FAM168B: variants seen among roughly 807,000 people sequenced by gnomAD.
FAM168B encodes family with sequence similarity 168 member B, also known as myelin-associated neurite-outgrowth inhibitor.
FAM168B carries 19 observed loss-of-function variants against 21.8 expected under a neutral mutation model. The ratio of observed to expected loss-of-function variants is 0.87; its 90% CI spans 0.61 to 1.28. FAM168B has a LOEUF of 1.28. Among genes scored for constraint, FAM168B ranks in the 50% most tolerant of loss-of-function variants. The pLI, the probability that FAM168B is intolerant of heterozygous loss-of-function variation, is 0.00. For missense variants in FAM168B, 233 were observed against 263.1 expected, an observed-to-expected ratio of 0.89 and a Z score of 0.79; for synonymous variants, 126 against 104.8, an observed-to-expected ratio of 1.20 and a Z score of -1.24.
At position 131,073,522 on chromosome 2, in the gene FAM168B, C is replaced by T. The variant is rs572039199; in HGVS notation, c.71-1584G>A. The stretch of plus-strand genomic sequence containing the variant: ...GAGAGGTGGGACATTTAATAGGTGA[C>T]GGCTTTATTATGAAAGTGGGTTCCT... On this transcript the variant is annotated intron_variant, in intron 2 of 6. Coordinates refer to ENST00000389915, the MANE Select transcript of FAM168B (RefSeq NM_001009993.4). Among the ~76,000 whole-genome samples, 93 of 152,254 alleles carry T rather than the reference C, an allele frequency of 6.1e-4. No homozygotes were observed. In the Middle Eastern group the frequency reaches 0.01, roughly 17 times the overall value.
At chr2:131,065,652 G>A (rs998126317) in intron 3 of FAM168B, among the ~76,000 whole-genome samples, 6 of 151,906 alleles carry the variant, frequency 3.9e-5, no homozygotes, top group African/African-American at 7.3e-5. Context: ...TAGCCGGCGT[G>A]GTGGAGAGCG....
At chr2:131,053,424 T>C (rs1691816365) in intron 5 of FAM168B, among the ~76,000 whole-genome samples, 1 of 152,148 alleles carries the variant, frequency 6.6e-6, no homozygotes, top group African/African-American at 2.4e-5. Context: ...TCCACTTAGA[T>C]GAAGTACCTG....
At chr2:131,083,892 ATTT>A (rs1304751815) in intron 1 of FAM168B, among the ~76,000 whole-genome samples, 1 of 150,924 alleles carries the variant, frequency 6.6e-6, no homozygotes, top group African/African-American at 2.4e-5. Context: ...TTATTTATTT[ATTT>A]ATTTATTTAT....
intron 1 of FAM168B, among the ~76,000 whole-genome samples, chr2:131,092,887 A>G (rs925507443): frequency 1.3e-5 from 2 of 152,162 alleles, no homozygotes; most frequent in African/African-American, 4.8e-5. Context: ...CTATTGTCAC[A>G]AAGCTCTGCC....
At chr2:131,064,299 A>G (rs1334728360) in intron 3 of FAM168B, among the ~76,000 whole-genome samples, 1 of 152,190 alleles carries the variant, frequency 6.6e-6, no homozygotes, top group African/African-American at 2.4e-5. Context: ...TGAGTAAAAA[A>G]AGACATTTAT....
rs1310759240 is a variant in FAM168B, at chr2:131,048,318, T to C, written c.*4147A>G. ...CTGGCCCAGCTGCCTTGCCCACTGG[T>C]CTGCACAGGGACTCATGGGCACAGC... On this transcript the variant is annotated 3_prime_UTR_variant, in exon 7 of 7. Transcript: ENST00000389915. 1 of 1,304,122 alleles carries C rather than the reference T, an allele frequency of 7.7e-7. No individual in the cohort carries two copies. The highest frequency in any genetic ancestry group is 1.5e-5 in the African/African-American group (1 of 65,964). 80.8% of individuals were successfully genotyped at this position (1,304,122 alleles called of 1,614,324 possible). A position where few individuals can be genotyped will look rare whatever the true frequency, so the allele number is the denominator to read the frequency against.
rs1027400342 is a variant in FAM168B at position 131,051,027 on chromosome 2, C to A, written c.*1438G>T. 7.1e-6 allele frequency: 7 copies of A among 985,304 alleles called. No homozygotes were observed. The African/African-American group carries it at 1.2e-4, about 17-fold the overall frequency. The allele number at this position is 985,304 out of a possible 1,614,324, so 61.0% of individuals were successfully genotyped here. A position where few individuals can be genotyped will look rare whatever the true frequency, so the allele number is the denominator to read the frequency against. On this transcript the variant is annotated 3_prime_UTR_variant, in exon 7 of 7. Transcript: ENST00000389915. ...GGGAAGCCTTTTCATTTCTTATGTA[C>A]AAGATTCAGATCCTAAACTCAAATT...
Position 131,050,917 on chromosome 2 carries a change from T to C in FAM168B, c.*1548A>G. ...CGCTGAAAGGGACCCAGGCCTTACA[T>C]CCCCCACCCCCACTCTGACCCTCAC... On this transcript the variant is annotated 3_prime_UTR_variant, in exon 7 of 7. Transcript: ENST00000389915. 2.0e-6 allele frequency: 2 copies of C among 985,528 alleles called. No homozygotes were observed. Among genetic ancestry groups the C allele is most frequent in the Non-Finnish European group, 2.4e-6 (2 of 830,186 alleles). The allele number at this position is 985,528 out of a possible 1,614,324, so 61.0% of individuals were successfully genotyped here. A position where few individuals can be genotyped will look rare whatever the true frequency, so the allele number is the denominator to read the frequency against.
intron 3 of FAM168B, among the ~76,000 whole-genome samples, chr2:131,058,217 GT>G (rs1353452902): frequency 6.6e-6 from 1 of 152,174 alleles, no homozygotes; most frequent in Admixed American, 6.5e-5. Flanking sequence ...GGGGCCTTTT[GT>G]TTGGGGTGCC....
At chr2:131,084,085 T>A (rs892551580) in intron 1 of FAM168B, among the ~76,000 whole-genome samples, 9 of 152,044 alleles carry the variant, frequency 5.9e-5, no homozygotes, top group Non-Finnish European at 1.0e-4. Flanking sequence ...GTATTTTTAG[T>A]AGAGACGGGG....
In FAM168B at chr2:131,048,349, G is replaced by A. The variant is rs1045643221; in HGVS notation, c.*4116C>T. Reference sequence around the variant, plus strand: ...CAGGGACTCATGGGCACAGCCTGTGGTGAGGAGGAGACACCTGTCATGCCA... The same window carrying A: ...CAGGGACTCATGGGCACAGCCTGTGATGAGGAGGAGACACCTGTCATGCCA... On this transcript the variant is annotated 3_prime_UTR_variant, in exon 7 of 7. Transcript: ENST00000389915. The A allele has an allele frequency of 8.5e-6, 11 of 1,300,208 alleles. No individual in the cohort carries two copies. The East Asian group carries it at 2.8e-4, about 33-fold the overall frequency. 80.5% of individuals were successfully genotyped at this position (1,300,208 alleles called of 1,614,324 possible). A position where few individuals can be genotyped will look rare whatever the true frequency, so the allele number is the denominator to read the frequency against.
rs1373425010 is a variant in FAM168B, at chr2:131,052,105, A to G, written c.*360T>C. 3.0e-6 allele frequency: 3 copies of G among 985,730 alleles called. 1 individual carries two copies. In the African/African-American group the frequency reaches 5.2e-5, roughly 17 times the overall value. 61.1% of individuals were successfully genotyped at this position (985,730 alleles called of 1,614,324 possible). On this transcript the variant is annotated 3_prime_UTR_variant, in exon 7 of 7. Transcript: ENST00000389915. ...ACGTTTCCATTCCTTTGGATTTTGC[A>G]TATGATGGTTTTGCATCAGTCACTG...
chr2:131,048,428 C>T lies in FAM168B; in HGVS notation c.*4037G>A, dbSNP rs771687131. ...GCCCGGGGGGGGGTCCCTACACAGA[C>T]GCCGCTCATCCTCTGTCTCCCCTTC... On this transcript the variant is annotated 3_prime_UTR_variant, in exon 7 of 7. Coordinates refer to ENST00000389915, the MANE Select transcript of FAM168B (RefSeq NM_001009993.4). 4.6e-5 allele frequency: 56 copies of T among 1,222,914 alleles called. No individual in the cohort carries two copies. The highest frequency in any genetic ancestry group is 7.0e-4 in the Middle Eastern group (2 of 2,846). 75.8% of individuals were successfully genotyped at this position (1,222,914 alleles called of 1,614,324 possible).
intron 2 of FAM168B, among the ~76,000 whole-genome samples, chr2:131,075,387 A>G (rs930467970): frequency 1.3e-5 from 2 of 151,872 alleles, no homozygotes; most frequent in African/African-American, 4.8e-5. Context: ...CTCTACCAAT[A>G]TATTCTCATG....
rs547434774 is a variant in FAM168B at position 131,061,283 on chromosome 2, G to A, written c.155-5588C>T. ...AGCCTAGCCAAGCTGGCAAAACCTCGCCTCCAAAATTTAAAAAAAAAAAAA... is the reference window on the plus strand; with the variant it reads ...AGCCTAGCCAAGCTGGCAAAACCTCACCTCCAAAATTTAAAAAAAAAAAAA... On this transcript the variant is annotated intron_variant, in intron 3 of 6. Coordinates refer to ENST00000389915, the MANE Select transcript of FAM168B (RefSeq NM_001009993.4). 2.1e-4 allele frequency among the ~76,000 whole-genome samples: 30 copies of A among 144,510 alleles called. No individual in the cohort carries two copies. In the East Asian group the frequency reaches 5.4e-3, roughly 26 times the overall value. 94.8% of individuals were successfully genotyped at this position (144,510 alleles called of 152,430 possible). A position where few individuals can be genotyped will look rare whatever the true frequency, so the allele number is the denominator to read the frequency against.
Position 131,050,423 on chromosome 2 carries a change from A to G in FAM168B, c.*2042T>C, listed in dbSNP as rs1049014275. On this transcript the variant is annotated 3_prime_UTR_variant, in exon 7 of 7. Coordinates refer to ENST00000389915, the MANE Select transcript of FAM168B (RefSeq NM_001009993.4). ...AACCTACTAATCCTGCCAACCATCCACTAAACAGATGGAATTACCAACAGA... is the reference window on the plus strand; with the variant it reads ...AACCTACTAATCCTGCCAACCATCCGCTAAACAGATGGAATTACCAACAGA... The G allele has an allele frequency of 3.3e-5, 33 of 985,730 alleles. No individual in the cohort carries two copies. The highest frequency in any genetic ancestry group is 1.8e-4 in the Admixed American group (3 of 16,268). The allele number at this position is 985,730 out of a possible 1,614,324, so 61.1% of individuals were successfully genotyped here. A position where few individuals can be genotyped will look rare whatever the true frequency, so the allele number is the denominator to read the frequency against.
rs374168283 is a variant in FAM168B, at chr2:131,055,709, G to A, written c.155-14C>T. ...CAGGAGTGTAACCTGGAACAAAGAA[G>A]GCAATGGCCTGAGTTCACCCAAGCC... On this transcript the variant is annotated splice_polypyrimidine_tract_variant and intron_variant, in intron 3 of 6. Coordinates refer to ENST00000389915, the MANE Select transcript of FAM168B (RefSeq NM_001009993.4). The A allele has an allele frequency of 2.5e-6, 4 of 1,612,834 alleles. No individual in the cohort carries two copies. The highest frequency in any genetic ancestry group is 2.5e-6 in the Non-Finnish European group (3 of 1,179,470).
At chr2:131,085,489 G>C (rs957897744) in intron 1 of FAM168B, among the ~76,000 whole-genome samples, 15 of 152,104 alleles carry the variant, frequency 9.9e-5, no homozygotes, top group African/African-American at 3.4e-4. Context: ...ATGCCTTTCA[G>C]AACACTCTAG....
intron 2 of FAM168B, among the ~76,000 whole-genome samples, chr2:131,073,030 T>C (rs1558974737): frequency 6.6e-6 from 1 of 152,220 alleles, no homozygotes; most frequent in Non-Finnish European, 1.5e-5. Context: ...TAAAAGCTAT[T>C]ATTTTTTGTT....
Sources: allele counts gnomAD v4.1 joint callset (sites outside exome capture counted in the v4.1 genomes callset), GRCh38; gene constraint gnomAD v4.1.1; transcripts MANE v1.5; gene names NCBI Gene and HGNC (gene_info 2026-07-23, HGNC 2026-07-21).